The following CADPS variants were observed in gnomAD, a reference collection of about 807,000 sequenced individuals.
CADPS encodes calcium dependent secretion activator, also known as calcium-dependent secretion activator 1.
A neutral mutation model predicts 167.3 loss-of-function variants in CADPS; 57 were observed. That is an observed-to-expected ratio of 0.34 (90% confidence interval 0.28 to 0.42). CADPS has a LOEUF of 0.42. Ranked by LOEUF, CADPS falls within the 20% of genes least tolerant of loss-of-function variation. The pLI is 1.00. For synonymous variants in CADPS, 676 were observed against 635.3 expected, an observed-to-expected ratio of 1.06 and a Z score of -0.96; for missense variants, 1,414 against 1,738.1, an observed-to-expected ratio of 0.81 and a Z score of 3.32.
intron 28 of CADPS, among the ~76,000 whole-genome samples, chr3:62,411,208 A>G (rs116776798): frequency 0.039 from 5,939 of 152,274 alleles, 169 homozygotes; most frequent in Non-Finnish European, 0.059. Context: ...TTGGTAACCA[A>G]TCGGTGTTTT....
At position 62,544,950 on chromosome 3, in the gene CADPS, C is replaced by A. The variant is rs1442167912; in HGVS notation, c.1966+4953G>T. On this transcript the variant is annotated intron_variant, in intron 11 of 29. Transcript: ENST00000383710. This position sits in a 1 kb window ranked among gnomAD's most constrained non-coding sequence, Gnocchi z 4.4. ...AAAGCAGACAGGAGTTCTAACCTAG[C>A]AGCCTAAGTTCTTGGGTTCGAGCAA... is the stretch of plus-strand genomic sequence containing the variant. 1 of 693,124 alleles carries A rather than the reference C, an allele frequency of 1.4e-6. No homozygotes were observed. Among genetic ancestry groups the A allele is most frequent in the Non-Finnish European group, 1.9e-6 (1 of 513,448 alleles). The allele number at this position is 693,124 out of a possible 1,614,324, so 42.9% of individuals were successfully genotyped here.
chr3:62,530,177 ATTTC>A (rs2151944021), intron 13 of CADPS, among the ~76,000 whole-genome samples: 1 of 152,276 alleles, frequency 6.6e-6, no homozygotes, highest in Non-Finnish European at 1.5e-5. Flanking sequence ...TTTGAGATGA[ATTTC>A]TTTTTATGAG....
At chr3:62,748,211 T>C (rs1031334302) in intron 3 of CADPS, among the ~76,000 whole-genome samples, 18 of 143,878 alleles carry the variant, frequency 1.3e-4, no homozygotes, top group Non-Finnish European at 2.7e-4. Context: ...CCGGGCATGG[T>C]GGCAGGCACC....
At chr3:62,736,934 C>T (rs1292278761) in intron 3 of CADPS, among the ~76,000 whole-genome samples, 1 of 151,946 alleles carries the variant, frequency 6.6e-6, no homozygotes, top group Non-Finnish European at 1.5e-5. Flanking sequence ...GTTAGGAGAT[C>T]AAGAGCAGCG....
intron 1 of CADPS, among the ~76,000 whole-genome samples, chr3:62,803,221 G>C (rs1435254052): frequency 6.6e-6 from 1 of 152,096 alleles, no homozygotes; most frequent in African/African-American, 2.4e-5. Context: ...GGGAAGGAGA[G>C]AAGCCTTGAT....
At chr3:62,636,663 C>T (rs1287314918) in intron 6 of CADPS, among the ~76,000 whole-genome samples, 1 of 152,142 alleles carries the variant, frequency 6.6e-6, no homozygotes, top group Non-Finnish European at 1.5e-5. Context: ...CTGATAAACA[C>T]ATAGAAAGTA....
rs2068562133 is a variant in CADPS, at chr3:62,514,595, T to G, written c.2581+1464A>C. 6.6e-6 allele frequency among the ~76,000 whole-genome samples: 1 copy of G among 152,088 alleles called. No individual in the cohort carries two copies. The highest frequency in any genetic ancestry group is 2.1e-4 in the South Asian group (1 of 4,834). ...CAGACCAGCTGATCTACTTTGGAAA[T>G]GAATGCATTTTTACTTACAGATCTT... On this transcript the variant is annotated intron_variant, in intron 16 of 29. Coordinates refer to ENST00000383710, the MANE Select transcript of CADPS (RefSeq NM_003716.4). This position sits in a 1 kb window ranked among gnomAD's most constrained non-coding sequence, Gnocchi z 4.2.
At position 62,438,447 on chromosome 3, in the gene CADPS, A is replaced by C. The variant is rs2055604746; in HGVS notation, c.3670-236T>G. On this transcript the variant is annotated intron_variant, in intron 27 of 29. Transcript: ENST00000383710. The surrounding 1 kb of genome is among the most constrained non-coding windows in gnomAD (Gnocchi z 4.7). The stretch of plus-strand genomic sequence containing the variant: ...AAGGGCATTGAGATTGTAGGATTTT[A>C]TAAATAGTTTTTCTATGATAAATTT... 2.3e-6 allele frequency: 1 copy of C among 442,530 alleles called. No individual in the cohort carries two copies. The highest frequency in any genetic ancestry group is 2.0e-5 in the African/African-American group (1 of 49,654). The allele number at this position is 442,530 out of a possible 1,614,324, so 27.4% of individuals were successfully genotyped here. A position where few individuals can be genotyped will look rare whatever the true frequency, so the allele number is the denominator to read the frequency against.
intron 2 of CADPS, among the ~76,000 whole-genome samples, chr3:62,763,330 C>A (rs1576042608): frequency 6.6e-6 from 1 of 152,170 alleles, no homozygotes; most frequent in African/African-American, 2.4e-5. Flanking sequence ...AGGTCTTCCA[C>A]ATGGAGAGAA....
rs569905907 is a variant in CADPS, at chr3:62,497,234, C to G, written c.2706+1928G>C. 4.3e-4 allele frequency among the ~76,000 whole-genome samples: 65 copies of G among 152,286 alleles called. 1 individual carries two copies. The South Asian group carries it at 0.013, about 32-fold the overall frequency. On this transcript the variant is annotated intron_variant, in intron 18 of 29. Transcript: ENST00000383710. Reference sequence around the variant, plus strand: ...ACATCCTTTCTTAGCCCGTAGCAGCCTCCAAAAATAACTTGATTATAAATC... The same window carrying G: ...ACATCCTTTCTTAGCCCGTAGCAGCGTCCAAAAATAACTTGATTATAAATC...
chr3:62,474,834 T>C (rs2061066403), intron 23 of CADPS, among the ~76,000 whole-genome samples: 1 of 152,138 alleles, frequency 6.6e-6, no homozygotes, highest in Non-Finnish European at 1.5e-5. Flanking sequence ...AAATTTAAAA[T>C]CCAGCAAGTG....
At chr3:62,429,613 TTGTGTG>T (rs141798520) in intron 28 of CADPS, among the ~76,000 whole-genome samples, 2 of 149,646 alleles carry the variant, frequency 1.3e-5, no homozygotes, top group Admixed American at 1.3e-4. Flanking sequence ...CTCTGTGTGT[TTGTGTG>T]TGTGTGTGTG....
At position 62,739,281 on chromosome 3, in the gene CADPS, C is replaced by T. The variant is rs71296795; in HGVS notation, c.888+14160G>A. Among the ~76,000 whole-genome samples, 495 of 152,228 alleles carry T rather than the reference C, an allele frequency of 3.3e-3. 4 individuals are homozygous for T. Among genetic ancestry groups the T allele is most frequent in the African/African-American group, 0.011 (470 of 41,546 alleles). On this transcript the variant is annotated intron_variant, in intron 3 of 29. Transcript: ENST00000383710. ...CCTAGATCAATCCATAGTCATCTGGCCTTCTAATAGAACAAAGCTTCCTAC... is the reference window on the plus strand; with the variant it reads ...CCTAGATCAATCCATAGTCATCTGGTCTTCTAATAGAACAAAGCTTCCTAC...
intron 3 of CADPS, among the ~76,000 whole-genome samples, chr3:62,712,706 C>T (rs2083636120): frequency 6.6e-6 from 1 of 152,174 alleles, no homozygotes; most frequent in African/African-American, 2.4e-5. Flanking sequence ...AAATAAAATG[C>T]ACTTTTAAAA....
intron 6 of CADPS, among the ~76,000 whole-genome samples, chr3:62,596,327 C>G (rs570704064): frequency 4.0e-5 from 6 of 151,750 alleles, no homozygotes; most frequent in Non-Finnish European, 8.8e-5. Flanking sequence ...TCCCAAGTAG[C>G]TGGGATTACA....
intron 4 of CADPS, 117 bp downstream of exon 4, chr3:62,662,197 T>C: frequency 1.1e-6 from 1 of 888,070 alleles, no homozygotes; most frequent in South Asian, 1.5e-5. Context: ...GTGATTGTCC[T>C]CATCTTCCCT....
intron 3 of CADPS, among the ~76,000 whole-genome samples, chr3:62,721,161 AG>A (rs1581122431): frequency 6.6e-6 from 1 of 150,384 alleles, no homozygotes; most frequent in East Asian, 1.9e-4. Flanking sequence ...AAAAAGAAAA[AG>A]TAAAAATAGA....
intron 13 of CADPS, among the ~76,000 whole-genome samples, chr3:62,518,736 G>C (rs1170520028): frequency 6.6e-6 from 1 of 152,072 alleles, no homozygotes; most frequent in African/African-American, 2.4e-5. Context: ...TATCTCTCTT[G>C]TAGGCACTTG....
intron 1 of CADPS, among the ~76,000 whole-genome samples, chr3:62,786,652 C>T (rs931494355): frequency 2.0e-5 from 3 of 150,896 alleles, no homozygotes; most frequent in Non-Finnish European, 4.4e-5. Context: ...CCCTACCAAA[C>T]ACACACACAT....
Sources: gnomAD v4.1 joint callset for allele counts (sites outside exome capture counted in the v4.1 genomes callset) on GRCh38, gnomAD v4.1.1 for gene constraint, Gnocchi (gnomAD v3.1) non-coding constraint, MANE v1.5 for transcripts, NCBI Gene and HGNC (gene_info 2026-07-23, HGNC 2026-07-21) for gene names.